The following MYO18B variants were observed in gnomAD, a reference collection of about 807,000 sequenced individuals.
The protein encoded by MYO18B is unconventional myosin-XVIIIb.
In MYO18B, 204 loss-of-function variants were observed where a neutral mutation model predicts 273.0. The observed-to-expected ratio is 0.75, with a 90% CI of 0.67 to 0.84. MYO18B has a LOEUF of 0.84. Ranked by LOEUF, MYO18B falls within the 40% of genes least tolerant of loss-of-function variation. The probability of loss-of-function intolerance (pLI) is 0.00; values close to 1 mark genes in which losing one functional copy is unlikely to be tolerated. For missense variants in MYO18B, 3,212 were observed against 3,287.6 expected, an observed-to-expected ratio of 0.98 and a Z score of 0.56; for synonymous variants, 1,330 against 1,305.7, an observed-to-expected ratio of 1.02 and a Z score of -0.40.
intron 12 of MYO18B, among the ~76,000 whole-genome samples, chr22:25,816,341 A>G (rs1395054287): frequency 6.6e-6 from 1 of 152,048 alleles, no homozygotes; most frequent in Non-Finnish European, 1.5e-5. Context: ...AACCTCATTC[A>G]TTCTTCTTTT....
At chr22:25,787,274 A>G (rs1469173404) in intron 11 of MYO18B, among the ~76,000 whole-genome samples, 3 of 4,002 alleles carry the variant, frequency 7.5e-4, no homozygotes, top group Non-Finnish European at 1.0e-3. Flanking sequence ...AGGCGCGCGC[A>G]CACACACACA....
At chr22:25,790,303 C>T (rs546022863) in intron 11 of MYO18B, among the ~76,000 whole-genome samples, 1 of 152,172 alleles carries the variant, frequency 6.6e-6, no homozygotes, top group African/African-American at 2.4e-5. Flanking sequence ...TTTTAGGGTA[C>T]ATGTGCACAA....
intron 34 of MYO18B, among the ~76,000 whole-genome samples, chr22:25,940,034 C>T (rs907800512): frequency 6.6e-6 from 1 of 152,234 alleles, no homozygotes; most frequent in Non-Finnish European, 1.5e-5. Context: ...TTGTGCATGG[C>T]ATCTCCTAGG....
intron 34 of MYO18B, among the ~76,000 whole-genome samples, chr22:25,939,933 C>T (rs902516184): frequency 2.6e-5 from 4 of 152,168 alleles, no homozygotes; most frequent in African/African-American, 7.2e-5. Flanking sequence ...GACCCTACCT[C>T]GGAGTGCTAT....
At chr22:25,966,651 G>T (rs539489293) in intron 39 of MYO18B, among the ~76,000 whole-genome samples, 83 of 152,178 alleles carry the variant, frequency 5.5e-4, no homozygotes, top group African/African-American at 2.0e-3. Flanking sequence ...TACTCCTAAT[G>T]GCCTCCCGCA....
chr22:26,027,648 G>A lies in MYO18B; in HGVS notation c.7674G>A (p.Ala2558=), dbSNP rs374979498. ...CGGGGAGGAAAGACGACGATGTTGC[G>A]AGCATAATGAAGAAATACCTCCAGA... ...PGTGRKDDDV[A]SIMKKYLQK is the part of the protein sequence containing the mutation. Residue 2558 remains alanine, a synonymous_variant, in exon 43 of 44, where the codon GCG becomes GCA. Transcript: ENST00000335473. This position sits in a 1 kb window ranked among gnomAD's most constrained non-coding sequence, Gnocchi z 4.1. 1.3e-5 allele frequency: 21 copies of A among 1,613,140 alleles called. No individual in the cohort carries two copies. The highest frequency in any genetic ancestry group is 3.3e-5 in the Admixed American group (2 of 59,974).
intron 42 of MYO18B, among the ~76,000 whole-genome samples, chr22:26,021,448 A>C (rs115511926): frequency 2.4e-3 from 358 of 152,320 alleles, no homozygotes; most frequent in African/African-American, 8.2e-3. Flanking sequence ...TCATGTATCC[A>C]ACACATGTTT....
rs780088091 is a variant in MYO18B at position 25,847,536 on chromosome 22, C to T, written c.3659C>T (p.Pro1220Leu). The change falls in exon 20 of 44, where the codon CCG becomes CTG. Residue 1220 changes from proline to leucine, a missense_variant. Physicochemically the swap from Pro to Leu is moderately conservative, Grantham distance 98 (BLOSUM62 -3). Coordinates refer to ENST00000335473, the MANE Select transcript of MYO18B (RefSeq NM_032608.7). ...SRSGQESPPPPQPGRDKPGAG... is the reference protein window; with the variant it reads ...SRSGQESPPPLQPGRDKPGAG... The stretch of plus-strand genomic sequence containing the variant: ...AGTGGGCAGGAATCTCCACCACCAC[C>T]GCAGCCTGGTAGAGACAAGCCTGGG... 2.2e-5 allele frequency: 34 copies of T among 1,573,640 alleles called. No homozygotes were observed. Among genetic ancestry groups the T allele is most frequent in the Admixed American group, 7.4e-5 (4 of 54,156 alleles).
chr22:25,846,827 A>AT (rs1202658468), intron 19 of MYO18B, among the ~76,000 whole-genome samples: 1 of 152,236 alleles, frequency 6.6e-6, no homozygotes, highest in African/African-American at 2.4e-5. Flanking sequence ...CACGCCTGTA[A>AT]TTCCAGCACT....
intron 39 of MYO18B, among the ~76,000 whole-genome samples, chr22:25,962,849 G>C (rs1008203797): frequency 6.6e-6 from 1 of 152,184 alleles, no homozygotes; most frequent in Non-Finnish European, 1.5e-5. Flanking sequence ...CTTGCATTCA[G>C]CAAGTGTCTA....
rs370452415 is a variant in MYO18B, at chr22:25,769,375, G to C, written c.1459G>C (p.Gly487Arg). 10 of 1,573,822 alleles carry C rather than the reference G, an allele frequency of 6.4e-6. No homozygotes were observed. In the African/African-American group the frequency reaches 1.4e-4, roughly 21 times the overall value. The change falls in exon 4 of 44, where the codon GGG (glycine) becomes CGG (arginine). Residue 487 changes from glycine (G) to arginine (R), a missense_variant. Physicochemically the swap from Gly to Arg is moderately radical, Grantham distance 125. Transcript: ENST00000335473. Reference protein sequence around the residue: ...RPRIRKENQDGPAPQEEGKGG... With the variant: ...RPRIRKENQDRPAPQEEGKGG... The stretch of plus-strand genomic sequence containing the variant: ...TCGGATACGGAAGGAGAACCAAGAC[G>C]GGCCAGCCCCGCAGGAGGAGGGCAA...
At chr22:25,983,566 C>T (rs2093170890) in intron 39 of MYO18B, 1 of 152,182 alleles carries the variant, frequency 6.6e-6, no homozygotes, top group Non-Finnish European at 1.5e-5. Context: ...ATTGCCTGTT[C>T]ACTTTCAGAT....
intron 42 of MYO18B, among the ~76,000 whole-genome samples, chr22:26,024,551 C>T (rs537270448): frequency 2.6e-5 from 4 of 151,874 alleles, no homozygotes; most frequent in Non-Finnish European, 5.9e-5. Context: ...GCCACCTTGA[C>T]ACCCAGGTCT....
intron 40 of MYO18B, 70 bp from the exon 41 acceptor site, chr22:26,003,195 C>A (rs890565071): frequency 1.4e-6 from 2 of 1,385,686 alleles, no homozygotes; most frequent in Non-Finnish European, 2.0e-6. Flanking sequence ...GTCTGTCTAA[C>A]GTCAATAACC....
intron 17 of MYO18B, among the ~76,000 whole-genome samples, chr22:25,837,898 G>A (rs1449784612): frequency 1.3e-5 from 2 of 152,074 alleles, no homozygotes; most frequent in Non-Finnish European, 2.9e-5. Context: ...AAGGTCAGGG[G>A]TACATGTGCA....
intron 31 of MYO18B, among the ~76,000 whole-genome samples, 172 bp from the exon 32 acceptor site, chr22:25,908,149 AT>A (rs1427138558): frequency 6.6e-6 from 1 of 152,198 alleles, no homozygotes; most frequent in Non-Finnish European, 1.5e-5. Context: ...TAGAGGCAAT[AT>A]TTAATCTATT....
intron 39 of MYO18B, among the ~76,000 whole-genome samples, chr22:25,987,926 T>C (rs1312293988): frequency 6.6e-6 from 1 of 152,206 alleles, no homozygotes; most frequent in East Asian, 1.9e-4. Context: ...ATCTAAATCA[T>C]TTTGTATCCT....
At chr22:26,040,290 A>G in the MYO18B span, among the ~76,000 whole-genome samples, 3 of 152,022 alleles carry the variant, frequency 2.0e-5, no homozygotes, top group South Asian at 2.1e-4. Flanking sequence ...GCAGCTCTCT[A>G]TTTACTTGGG....
chr22:25,882,833 C>T (rs890578770), intron 25 of MYO18B, among the ~76,000 whole-genome samples: 3 of 152,202 alleles, frequency 2.0e-5, no homozygotes, highest in Middle Eastern at 3.2e-3. Context: ...TTTAGTGCAA[C>T]TACCACCCAA....
Sources: allele counts gnomAD v4.1 joint callset (sites outside exome capture counted in the v4.1 genomes callset), GRCh38; gene constraint gnomAD v4.1.1; non-coding constraint Gnocchi (gnomAD v3.1); transcripts MANE v1.5; gene names NCBI Gene and HGNC (gene_info 2026-07-23, HGNC 2026-07-21).